The following NF2 variants were observed in gnomAD, a reference collection of about 807,000 sequenced individuals.
NF2 encodes NF2, moesin-ezrin-radixin like (MERLIN) tumor suppressor.
Under a neutral mutation model 83.7 loss-of-function variants are expected in NF2, and 8 were observed. That is an observed-to-expected ratio of 0.10 (90% CI 0.06 to 0.17). The LOEUF (loss-of-function observed/expected upper bound fraction) is 0.17. Among genes scored for constraint, NF2 ranks in the 10% least tolerant of loss-of-function variants. NF2 has a pLI of 1.00. For synonymous variants in NF2, 266 were observed against 269.6 expected (o/e 0.99, Z 0.13); for missense variants, 533 against 744.4 (o/e 0.72, Z 3.31).
intron 7 of NF2, among the ~76,000 whole-genome samples, chr22:29,658,603 C>T (rs1024593306): frequency 6.6e-6 from 1 of 151,488 alleles, no homozygotes; most frequent in East Asian, 1.9e-4. Flanking sequence ...ACTTCTCCCC[C>T]CAACACACAC....
intron 14 of NF2, 110 bp downstream of exon 14, chr22:29,678,433 C>T (rs2067033537): frequency 7.5e-7 from 1 of 1,331,364 alleles, no homozygotes; most frequent in Non-Finnish European, 1.1e-6. Flanking sequence ...CCTGTCATTA[C>T]TCCTGCAAAG....
chr22:29,652,067 T>C (rs2066163908), intron 4 of NF2, among the ~76,000 whole-genome samples: 1 of 152,186 alleles, frequency 6.6e-6, no homozygotes, highest in Non-Finnish European at 1.5e-5. Context: ...TTCATCCTCA[T>C]CATCCCCTAT....
In NF2 at chr22:29,684,090, CGTT is replaced by C. The variant is rs2067216139; in HGVS notation, c.1737+2490_1737+2492del. On this transcript the variant is annotated intron_variant, in intron 15 of 15. Coordinates refer to ENST00000338641, the MANE Select transcript of NF2 (RefSeq NM_000268.4). The stretch of plus-strand genomic sequence containing the variant: ...GCATAAGATAGATCCTACTTGTGGT[CGTT>C]ATCCCATCAAGAGAGGTCAGCTGTT... The C allele has an allele frequency of 2.5e-5, 6 of 240,082 alleles. No individual in the cohort carries two copies. The East Asian group carries it at 4.8e-4, about 19-fold the overall frequency. The allele number at this position is 240,082 out of a possible 1,614,324, so 14.9% of individuals were successfully genotyped here.
chr22:29,679,957 A>C (rs2067079601), intron 14 of NF2, among the ~76,000 whole-genome samples: 1 of 151,978 alleles, frequency 6.6e-6, no homozygotes. Flanking sequence ...GGTGGAGTCT[A>C]GTGAGGGCAT....
At chr22:29,634,295 A>G (rs1412228583) in intron 1 of NF2, among the ~76,000 whole-genome samples, 1 of 152,194 alleles carries the variant, frequency 6.6e-6, no homozygotes, top group Non-Finnish European at 1.5e-5. Flanking sequence ...GGCATTCTGA[A>G]TTGGTGTCAG....
intron 4 of NF2, among the ~76,000 whole-genome samples, chr22:29,644,786 T>C (rs934424789): frequency 2.2e-4 from 33 of 152,194 alleles, no homozygotes; most frequent in African/African-American, 3.1e-4. Flanking sequence ...TCAGGCGTGG[T>C]GGCGCGCGCC....
chr22:29,621,967 C>T (rs2065227638), intron 1 of NF2, among the ~76,000 whole-genome samples: 1 of 152,174 alleles, frequency 6.6e-6, no homozygotes, highest in Non-Finnish European at 1.5e-5. Context: ...AGTGATGGGA[C>T]TGAGATTTGA....
At chr22:29,608,819 G>A (rs1379845192) in intron 1 of NF2, 1 of 328,332 alleles carries the variant, frequency 3.0e-6, no homozygotes, top group East Asian at 6.2e-5. Flanking sequence ...GACACTATCT[G>A]AATAGACCTA....
chr22:29,623,766 C>A (rs2065275006), intron 1 of NF2, among the ~76,000 whole-genome samples: 1 of 152,148 alleles, frequency 6.6e-6, no homozygotes, highest in African/African-American at 2.4e-5. Flanking sequence ...CATCAAGATC[C>A]CTAAACCGAT....
Position 29,658,853 on chromosome 22 carries a change from A to G in NF2, c.675+589A>G, listed in dbSNP as rs1353493361. The stretch of plus-strand genomic sequence containing the variant: ...GTGGGTCAGTATCTGGATGCAGTGT[A>G]TAGGCAGCTTCTTACAAAGGGATGC... On this transcript the variant is annotated intron_variant, in intron 7 of 15. Coordinates refer to ENST00000338641, the MANE Select transcript of NF2 (RefSeq NM_000268.4). Among the ~76,000 whole-genome samples, 5 of 152,226 alleles carry G rather than the reference A, an allele frequency of 3.3e-5. 1 individual carries two copies. Among genetic ancestry groups the G allele is most frequent in the Admixed American group, 3.3e-4 (5 of 15,288 alleles).
chr22:29,650,479 A>G (rs2066114268), intron 4 of NF2, among the ~76,000 whole-genome samples: 1 of 151,450 alleles, frequency 6.6e-6, no homozygotes, highest in African/African-American at 2.4e-5. Flanking sequence ...CTGTGAATCA[A>G]CCGTTTATGA....
intron 8 of NF2, among the ~76,000 whole-genome samples, chr22:29,664,445 C>G (rs1200858570): frequency 6.6e-6 from 1 of 151,708 alleles, no homozygotes. Context: ...CTGGTTTTGC[C>G]CTGTGCAGAA....
intron 15 of NF2, among the ~76,000 whole-genome samples, chr22:29,689,133 C>T (rs866130909): frequency 7.2e-6 from 1 of 138,564 alleles, no homozygotes; most frequent in Non-Finnish European, 1.5e-5. Flanking sequence ...GAGCGGAGAT[C>T]GCGCCACTGC....
intron 9 of NF2, among the ~76,000 whole-genome samples, chr22:29,666,491 G>C (rs1397525787): frequency 6.6e-6 from 1 of 151,914 alleles, no homozygotes; most frequent in Admixed American, 6.6e-5. Flanking sequence ...TCTGCCTCCT[G>C]GTGCACATAG....
At chr22:29,688,114 A>T (rs1022315115) in intron 15 of NF2, among the ~76,000 whole-genome samples, 34 of 152,218 alleles carry the variant, frequency 2.2e-4, no homozygotes, top group Non-Finnish European at 4.8e-4. Flanking sequence ...GGCCTCTTCT[A>T]AAAGTCAACA....
chr22:29,639,200 A>T lies in NF2; in HGVS notation c.351A>T (p.Leu117Phe). Residue 117 changes from leucine to phenylalanine, a missense_variant, in exon 3 of 16, where the codon TTA becomes TTT. By Grantham distance (22) the Leu-to-Phe change is conservative (BLOSUM62 0). Coordinates refer to ENST00000338641, the MANE Select transcript of NF2 (RefSeq NM_000268.4). The part of the protein sequence containing the change: ...EELVQEITQH[L>F]FFLQVKKQIL... The stretch of plus-strand genomic sequence containing the variant: ...TGGTTCAGGAGATCACACAACATTT[A>T]TTCTTCTTACAGGTACATCAGTCAA... 1 of 1,614,190 alleles carries T rather than the reference A, an allele frequency of 6.2e-7. No individual in the cohort carries two copies. The highest frequency in any genetic ancestry group is 8.5e-7 in the Non-Finnish European group (1 of 1,180,016).
intron 1 of NF2, among the ~76,000 whole-genome samples, chr22:29,605,796 T>C (rs2064777992): frequency 6.6e-6 from 1 of 152,168 alleles, no homozygotes; most frequent in Non-Finnish European, 1.5e-5. Flanking sequence ...GAGCTTCTAC[T>C]CCAGACTATT....
intron 1 of NF2, among the ~76,000 whole-genome samples, chr22:29,615,499 G>A (rs2065060985): frequency 6.6e-6 from 1 of 152,078 alleles, no homozygotes; most frequent in Admixed American, 6.6e-5. Context: ...CTTGAGCCTG[G>A]GAGAGGCTAT....
At chr22:29,638,164 A>G (rs148199185) in intron 2 of NF2, among the ~76,000 whole-genome samples, 122 of 152,300 alleles carry the variant, frequency 8.0e-4, no homozygotes, top group Non-Finnish European at 1.2e-3. Flanking sequence ...CAAGCTTTAC[A>G]GGGGTGAATG....
Sources: allele counts gnomAD v4.1 joint callset (sites outside exome capture counted in the v4.1 genomes callset), GRCh38; gene constraint gnomAD v4.1.1; transcripts MANE v1.5; gene names NCBI Gene and HGNC (gene_info 2026-07-23, HGNC 2026-07-21).